The following ITPR2 variants were observed in gnomAD, a reference collection of about 807,000 sequenced individuals.
The protein encoded by ITPR2 is inositol 1,4,5-trisphosphate-gated calcium channel ITPR2.
A neutral mutation model predicts 317.1 loss-of-function variants in ITPR2; 207 were observed. The observed-to-expected ratio is 0.65, with a 90% CI of 0.58 to 0.73. ITPR2 has a LOEUF of 0.73. ITPR2 is among the 30% of genes least tolerant of loss of function. The pLI is 0.00. For missense variants in ITPR2, 2,613 were observed against 3,284.0 expected, an observed-to-expected ratio of 0.80 and a Z score of 4.99; for synonymous variants, 1,156 against 1,149.1, an observed-to-expected ratio of 1.01 and a Z score of -0.12.
intron 21 of ITPR2, among the ~76,000 whole-genome samples, chr12:26,635,012 A>AG (rs1946835588): frequency 6.6e-6 from 1 of 152,182 alleles, no homozygotes; most frequent in Non-Finnish European, 1.5e-5. Context: ...AAGAAAAAAA[A>AG]TCTAAAAGAC....
At chr12:26,741,767 T>G (rs370474324) in intron 2 of ITPR2, among the ~76,000 whole-genome samples, 1 of 152,126 alleles carries the variant, frequency 6.6e-6, no homozygotes, top group East Asian at 1.9e-4. Flanking sequence ...AGGGCTCTAG[T>G]CCCCTCAGAA....
chr12:26,669,310 A>C (rs1410710449), intron 13 of ITPR2, among the ~76,000 whole-genome samples: 1 of 152,084 alleles, frequency 6.6e-6, no homozygotes. Flanking sequence ...AAGAGGAATT[A>C]AGAGGATCCA....
chr12:26,645,549 G>C (rs12228078), intron 21 of ITPR2, among the ~76,000 whole-genome samples: 5,603 of 152,352 alleles, frequency 0.037, 152 homozygotes, highest in South Asian at 0.11. Context: ...AGCATGGACA[G>C]AGGGAGGACA....
intron 26 of ITPR2, among the ~76,000 whole-genome samples, chr12:26,613,563 G>GACACACACAC (rs10574347): frequency 6.7e-6 from 1 of 148,708 alleles, no homozygotes; most frequent in African/African-American, 2.5e-5. Context: ...ATCATACACA[G>GACACACACAC]ACACACACAC....
rs141558385 is a variant in ITPR2 at position 26,737,314 on chromosome 12, G to A, written c.164-11549C>T. 5.0e-4 allele frequency among the ~76,000 whole-genome samples: 76 copies of A among 151,318 alleles called. 2 individuals are homozygous for A. The East Asian group carries it at 0.015, about 29-fold the overall frequency. ...CGCTCTGTCACCCAGGCTGGAGAACGGCGCTATCTCAGCTCACTGCAACCT... is the reference window on the plus strand; with the variant it reads ...CGCTCTGTCACCCAGGCTGGAGAACAGCGCTATCTCAGCTCACTGCAACCT... On this transcript the variant is annotated intron_variant, in intron 2 of 56. Coordinates refer to ENST00000381340, the MANE Select transcript of ITPR2 (RefSeq NM_002223.4).
At chr12:26,824,990 G>A (rs1190981255) in intron 1 of ITPR2, among the ~76,000 whole-genome samples, 2 of 152,172 alleles carry the variant, frequency 1.3e-5, no homozygotes, top group East Asian at 3.8e-4. Flanking sequence ...CCAACACTTT[G>A]GGAAGCCAAG....
chr12:26,497,156 T>TC (rs1263367984), intron 37 of ITPR2, among the ~76,000 whole-genome samples: 5 of 104,266 alleles, frequency 4.8e-5, no homozygotes, highest in Non-Finnish European at 7.3e-5. Flanking sequence ...TTTCTCTCTC[T>TC]TTTTTTTTTT....
intron 45 of ITPR2, among the ~76,000 whole-genome samples, chr12:26,448,893 C>T (rs1037131034): frequency 1.3e-5 from 2 of 152,078 alleles, no homozygotes; most frequent in African/African-American, 4.8e-5. Flanking sequence ...CATATATAAC[C>T]TGCAGCAGGG....
At chr12:26,622,473 T>C in intron 24 of ITPR2, 68 bp from the exon 25 acceptor site, 2 of 1,206,622 alleles carry the variant, frequency 1.7e-6, no homozygotes, top group South Asian at 1.7e-5. Flanking sequence ...GTATTAGAAT[T>C]GTATACGTAT....
intron 10 of ITPR2, among the ~76,000 whole-genome samples, chr12:26,693,788 G>A (rs1341363242): frequency 5.9e-5 from 9 of 152,310 alleles, no homozygotes; most frequent in South Asian, 2.1e-4. Flanking sequence ...GATGCGCACA[G>A]AGATTTAATT....
At chr12:26,431,553 T>C (rs1342103702) in intron 48 of ITPR2, among the ~76,000 whole-genome samples, 1 of 152,192 alleles carries the variant, frequency 6.6e-6, no homozygotes, top group Non-Finnish European at 1.5e-5. Context: ...ACATCAGCCC[T>C]GTACTCCTGA....
At position 26,443,524 on chromosome 12, in the gene ITPR2, A is replaced by G. The variant is rs1208288471; in HGVS notation, c.6450+19T>C. ...AACTTTTCACAGTTGGTCTCTTTCA[A>G]TAAATAATAGATGGTTACCTCAATC... On this transcript the variant is annotated intron_variant, in intron 46 of 56. Transcript: ENST00000381340. 2.5e-6 allele frequency: 4 copies of G among 1,575,564 alleles called. No homozygotes were observed. The South Asian group carries it at 3.4e-5, about 13-fold the overall frequency.
At chr12:26,825,680 G>C (rs1950999249) in intron 1 of ITPR2, among the ~76,000 whole-genome samples, 1 of 152,212 alleles carries the variant, frequency 6.6e-6, no homozygotes, top group African/African-American at 2.4e-5. Context: ...CTCATTGCCA[G>C]AGGGGGCTGA....
At chr12:26,617,595 AGAAAGAAAAGAAAAGAG>A (rs1336242301) in intron 26 of ITPR2, among the ~76,000 whole-genome samples, 1 of 151,956 alleles carries the variant, frequency 6.6e-6, no homozygotes, top group Non-Finnish European at 1.5e-5. Context: ...AGTGAAAGAA[AGAAAGAAAAGAAAAGAG>A]GAAAGAAAAG....
At chr12:26,387,070 A>C (rs751679475) in intron 55 of ITPR2, among the ~76,000 whole-genome samples, 5 of 152,252 alleles carry the variant, frequency 3.3e-5, no homozygotes, top group Non-Finnish European at 4.4e-5. Context: ...TAAGGTATGA[A>C]TCTTCTGTTC....
chr12:26,706,754 G>A (rs1948560494), intron 9 of ITPR2, among the ~76,000 whole-genome samples: 1 of 152,136 alleles, frequency 6.6e-6, no homozygotes, highest in Non-Finnish European at 1.5e-5. Flanking sequence ...TAGCTACCAA[G>A]TTAAACTTCC....
At chr12:26,726,246 G>C (rs889340458) in intron 2 of ITPR2, among the ~76,000 whole-genome samples, 11 of 152,246 alleles carry the variant, frequency 7.2e-5, no homozygotes, top group Admixed American at 2.6e-4. Flanking sequence ...ATACCTGGGT[G>C]AATATGATGT....
chr12:26,667,500 A>T (rs1171162713), intron 13 of ITPR2, among the ~76,000 whole-genome samples: 10 of 152,174 alleles, frequency 6.6e-5, no homozygotes. Flanking sequence ...GTTACGTGTA[A>T]TCTCTGAAGG....
chr12:26,698,080 C>A (rs1303551957), intron 9 of ITPR2, among the ~76,000 whole-genome samples: 1 of 151,934 alleles, frequency 6.6e-6, no homozygotes, highest in Non-Finnish European at 1.5e-5. Flanking sequence ...AATGAGGGAC[C>A]AGAGCTCTCA....
Sources: gnomAD v4.1 joint callset for allele counts (sites outside exome capture counted in the v4.1 genomes callset) on GRCh38, gnomAD v4.1.1 for gene constraint, MANE v1.5 for transcripts, NCBI Gene and HGNC (gene_info 2026-07-23, HGNC 2026-07-21) for gene names.